SYNPR: variants seen among roughly 807,000 people sequenced by gnomAD.
SYNPR encodes the protein synaptoporin.
Under a neutral mutation model 32.9 loss-of-function variants are expected in SYNPR, and 23 were observed. That is an observed-to-expected ratio of 0.70 (90% CI 0.50 to 0.99). The LOEUF is 0.99. Ranked by LOEUF, SYNPR falls within the 50% of genes least tolerant of loss-of-function variation. The pLI is 0.00. For missense variants in SYNPR, 318 were observed against 349.3 expected, an observed-to-expected ratio of 0.91 and a Z score of 0.71; for synonymous variants, 146 against 135.9, an observed-to-expected ratio of 1.07 and a Z score of -0.52.
intron 2 of SYNPR, among the ~76,000 whole-genome samples, chr3:63,460,267 T>A (rs945513340): frequency 1.2e-4 from 18 of 152,208 alleles, no homozygotes; most frequent in Middle Eastern, 3.4e-3. Flanking sequence ...CTTACATCAC[T>A]GCTTTATGCA....
intron 1 of SYNPR, among the ~76,000 whole-genome samples, chr3:63,243,797 G>T (rs1560166462): frequency 6.6e-6 from 1 of 151,974 alleles, no homozygotes; most frequent in Non-Finnish European, 1.5e-5. Context: ...TGCTGGAAAA[G>T]CTATGTTTTT....
At chr3:63,555,245 C>T (rs1354217310) in intron 3 of SYNPR, among the ~76,000 whole-genome samples, 1 of 112,614 alleles carries the variant, frequency 8.9e-6, no homozygotes, top group African/African-American at 2.8e-5. Flanking sequence ...CTAACAGATC[C>T]GTTTTAAAGG....
At chr3:63,341,934 C>T (rs981820037) in intron 2 of SYNPR, among the ~76,000 whole-genome samples, 3 of 152,120 alleles carry the variant, frequency 2.0e-5, no homozygotes, top group Non-Finnish European at 1.5e-5. Context: ...AGCCATCACC[C>T]AATCCAAGGT....
chr3:63,328,912 T>A (rs1054151578), intron 2 of SYNPR, among the ~76,000 whole-genome samples: 4 of 152,200 alleles, frequency 2.6e-5, no homozygotes, highest in Non-Finnish European at 4.4e-5. Flanking sequence ...TCTCCAGCAG[T>A]TATTGAAAAA....
chr3:63,598,440 C>T (rs1699992625), intron 4 of SYNPR, among the ~76,000 whole-genome samples: 1 of 152,166 alleles, frequency 6.6e-6, no homozygotes, highest in African/African-American at 2.4e-5. Flanking sequence ...CAACATTAAA[C>T]CAGGCTGCTT....
rs371099902 is a variant in SYNPR, at chr3:63,591,607, C to T, written c.409-17518C>T. ...TTAAGAAAATGTGGCACATATACAC[C>T]ATGGAATACTATGCAGCCCTAAAAA... On this transcript the variant is annotated intron_variant, in intron 4 of 5. Coordinates refer to ENST00000478300, the MANE Select transcript of SYNPR (RefSeq NM_001130003.2). 5.2e-4 allele frequency among the ~76,000 whole-genome samples: 70 copies of T among 135,822 alleles called. 1 individual carries two copies. The highest frequency in any genetic ancestry group is 8.4e-4 in the Non-Finnish European group (54 of 64,136). The allele number at this position is 135,822 out of a possible 152,430, so 89.1% of individuals were successfully genotyped here.
intron 2 of SYNPR, among the ~76,000 whole-genome samples, chr3:63,362,236 T>G (rs576737536): frequency 2.6e-5 from 4 of 152,300 alleles, no homozygotes; most frequent in African/African-American, 7.2e-5. Flanking sequence ...ACAACATGAG[T>G]GAGAAATAAA....
intron 2 of SYNPR, among the ~76,000 whole-genome samples, chr3:63,340,619 C>T (rs985075193): frequency 6.6e-5 from 10 of 151,758 alleles, no homozygotes; most frequent in African/African-American, 2.4e-4. Context: ...CGGGGTTTCA[C>T]CGTTTTAGCC....
chr3:63,278,604 C>A, intron 1 of SYNPR, 53 bp downstream of exon 1: 1 of 1,550,532 alleles, frequency 6.4e-7, no homozygotes, highest in South Asian at 1.2e-5. Context: ...CGGGGGATGC[C>A]GCGGCTTGGG....
At chr3:63,452,214 A>C (rs1700391995) in intron 2 of SYNPR, 1 of 598,290 alleles carries the variant, frequency 1.7e-6, no homozygotes, top group Non-Finnish European at 3.0e-6. Flanking sequence ...GTGCCGGGTT[A>C]AGATTTGGGA....
intron 2 of SYNPR, among the ~76,000 whole-genome samples, chr3:63,395,613 T>G (rs2088201113): frequency 6.6e-6 from 1 of 152,196 alleles, no homozygotes; most frequent in African/African-American, 2.4e-5. Context: ...GTCACACAGC[T>G]CACCTTACCT....
chr3:63,432,016 C>T (rs917715519), intron 2 of SYNPR, among the ~76,000 whole-genome samples: 4 of 151,994 alleles, frequency 2.6e-5, no homozygotes, highest in African/African-American at 9.7e-5. Context: ...GAGGGATAGA[C>T]CAGAAAGGCA....
intron 3 of SYNPR, chr3:63,549,831 T>G (rs1036284213): frequency 4.6e-5 from 7 of 152,172 alleles, no homozygotes; most frequent in Non-Finnish European, 1.0e-4. Flanking sequence ...TACATATTTT[T>G]TTTTAAAAGA....
At position 63,360,226 on chromosome 3, in the gene SYNPR, A is replaced by C. The variant is rs115629133; in HGVS notation, c.84+81484A>C. ...AGCCCAAAATCTCGGAGACATCTTC[A>C]CTCTCTTTTTCTCACACACCATGTT... On this transcript the variant is annotated intron_variant, in intron 2 of 5. Coordinates refer to ENST00000478300, the MANE Select transcript of SYNPR (RefSeq NM_001130003.2). Among the ~76,000 whole-genome samples the C allele has an allele frequency of 6.0e-3, 907 of 152,170 alleles. 8 individuals carry two copies. Among genetic ancestry groups the C allele is most frequent in the African/African-American group, 0.02 (848 of 41,492 alleles).
intron 3 of SYNPR, among the ~76,000 whole-genome samples, chr3:63,272,592 T>C (rs572831249): frequency 7.3e-5 from 11 of 151,724 alleles, no homozygotes; most frequent in South Asian, 2.1e-4. Context: ...TTTATCTAGG[T>C]TTCTTCCTCA....
chr3:63,533,841 T>C (rs961061230), intron 3 of SYNPR, among the ~76,000 whole-genome samples: 4 of 152,096 alleles, frequency 2.6e-5, no homozygotes, highest in African/African-American at 7.2e-5. Context: ...ATAAAAGAAA[T>C]GCAGTCTCTC....
At chr3:63,607,224 A>G (rs1175880312) in intron 4 of SYNPR, among the ~76,000 whole-genome samples, 4 of 152,164 alleles carry the variant, frequency 2.6e-5, no homozygotes, top group African/African-American at 9.7e-5. Flanking sequence ...CATATTTTGC[A>G]TTTTTTAATC....
rs935808933 is a variant in SYNPR at position 63,468,133 on chromosome 3, G to T, written c.85-12699G>T. On this transcript the variant is annotated intron_variant, in intron 2 of 5. Transcript: ENST00000478300. The stretch of plus-strand genomic sequence containing the variant: ...TGCTTGAACCCAGGAGGTGGAGGTT[G>T]CAGTGAGCAGAGATGGTGCCGTTGC... Among the ~76,000 whole-genome samples, 6 of 148,364 alleles carry T rather than the reference G, an allele frequency of 4.0e-5. No homozygotes were observed. In the East Asian group the frequency reaches 1.0e-3, roughly 25 times the overall value.
chr3:63,613,332 T>G (rs1700229449), intron 5 of SYNPR, among the ~76,000 whole-genome samples: 1 of 152,038 alleles, frequency 6.6e-6, no homozygotes. Context: ...ATTAGAGTTT[T>G]GTCAGTAGTT....
Sources: gnomAD v4.1 joint callset for allele counts (sites outside exome capture counted in the v4.1 genomes callset) on GRCh38, gnomAD v4.1.1 for gene constraint, MANE v1.5 for transcripts, NCBI Gene and HGNC (gene_info 2026-07-23, HGNC 2026-07-21) for gene names.